SH3RF3: variants seen among roughly 807,000 people sequenced by gnomAD.
SH3RF3 encodes E3 ubiquitin-protein ligase SH3RF3.
SH3RF3 carries 29 observed loss-of-function variants against 66.3 expected under a neutral mutation model. That is an observed-to-expected ratio of 0.44 (90% confidence interval 0.33 to 0.60). SH3RF3 has a LOEUF of 0.60. SH3RF3 is among the 20% of genes least tolerant of loss of function. The pLI, the probability that SH3RF3 is intolerant of heterozygous loss-of-function variation, is 0.04. For missense variants in SH3RF3, 1,194 were observed against 1,190.9 expected, an observed-to-expected ratio of 1.00 and a Z score of -0.04; for synonymous variants, 583 against 532.0, an observed-to-expected ratio of 1.10 and a Z score of -1.32.
chr2:109,491,076 G>T (rs1436271185), intron 9 of SH3RF3, 140 bp downstream of exon 9: 2 of 773,452 alleles, frequency 2.6e-6, no homozygotes, highest in Non-Finnish European at 3.7e-6. Context: ...GATCCACATG[G>T]TCCCGAGCTT....
chr2:109,163,704 T>C (rs1353074063), intron 1 of SH3RF3, among the ~76,000 whole-genome samples: 1 of 152,136 alleles, frequency 6.6e-6, no homozygotes, highest in Non-Finnish European at 1.5e-5. Flanking sequence ...TGGCCGCAAA[T>C]ATTCTTAAGC....
chr2:109,418,855 C>T (rs1470368635), intron 4 of SH3RF3, among the ~76,000 whole-genome samples: 1 of 152,104 alleles, frequency 6.6e-6, no homozygotes, highest in East Asian at 1.9e-4. Flanking sequence ...GCAGTGCTGC[C>T]CTGCATGGGC....
chr2:109,161,494 C>T (rs1033497936), intron 1 of SH3RF3, among the ~76,000 whole-genome samples: 2 of 152,114 alleles, frequency 1.3e-5, no homozygotes, highest in African/African-American at 2.4e-5. Flanking sequence ...ACGTGCATTA[C>T]ATATCGTAAG....
chr2:109,349,684 G>A (rs915834187), intron 2 of SH3RF3, among the ~76,000 whole-genome samples: 10 of 152,222 alleles, frequency 6.6e-5, no homozygotes, highest in Non-Finnish European at 1.2e-4. Context: ...CTCCTCCAGG[G>A]GCCTCACAGG....
At chr2:109,167,121 A>G (rs1677647757) in intron 1 of SH3RF3, among the ~76,000 whole-genome samples, 1 of 152,222 alleles carries the variant, frequency 6.6e-6, no homozygotes, top group Non-Finnish European at 1.5e-5. Flanking sequence ...GAGTAGTTCT[A>G]GTAAGTGTTC....
intron 1 of SH3RF3, among the ~76,000 whole-genome samples, chr2:109,166,908 A>C (rs1352746794): frequency 1.3e-5 from 2 of 152,240 alleles, no homozygotes; most frequent in African/African-American, 4.8e-5. Context: ...AAAACATGCC[A>C]TTACTGTGTT....
At chr2:109,347,623 G>A in intron 1 of SH3RF3, 51 bp from the exon 2 acceptor site, 1 of 1,586,156 alleles carries the variant, frequency 6.3e-7, no homozygotes, top group Admixed American at 1.7e-5. Context: ...TCCACTGTGG[G>A]GCATTGGGAA....
At chr2:109,206,312 A>T (rs1678836027) in intron 1 of SH3RF3, among the ~76,000 whole-genome samples, 1 of 151,914 alleles carries the variant, frequency 6.6e-6, no homozygotes, top group Admixed American at 6.6e-5. Flanking sequence ...AACATGGTGA[A>T]ACCCTGTCTC....
intron 1 of SH3RF3, among the ~76,000 whole-genome samples, chr2:109,303,402 G>A (rs1360886093): frequency 2.0e-5 from 3 of 152,210 alleles, no homozygotes; most frequent in South Asian, 2.1e-4. Context: ...TTTCTCCTTC[G>A]CTCACACTAT....
chr2:109,152,839 A>G (rs940416995), intron 1 of SH3RF3, among the ~76,000 whole-genome samples: 1 of 152,162 alleles, frequency 6.6e-6, no homozygotes, highest in Non-Finnish European at 1.5e-5. Context: ...CTCACAGTGA[A>G]TATCACCTGT....
intron 1 of SH3RF3, among the ~76,000 whole-genome samples, chr2:109,294,284 G>T (rs182112977): frequency 6.6e-6 from 1 of 152,270 alleles, no homozygotes; most frequent in African/African-American, 2.4e-5. Flanking sequence ...TTGCTGTGCC[G>T]TGTGCGGTGG....
intron 8 of SH3RF3, among the ~76,000 whole-genome samples, chr2:109,486,183 C>T (rs1293330621): frequency 3.3e-5 from 5 of 152,222 alleles, no homozygotes; most frequent in South Asian, 2.1e-4. Flanking sequence ...AATCACTTAC[C>T]GAGTTGCATG....
chr2:109,423,205 C>T (rs559176554), intron 5 of SH3RF3, among the ~76,000 whole-genome samples: 149 of 152,162 alleles, frequency 9.8e-4, no homozygotes, highest in African/African-American at 3.3e-3. Context: ...GGGGGGTTGG[C>T]CTGCAACAGG....
intron 1 of SH3RF3, among the ~76,000 whole-genome samples, chr2:109,268,535 G>A (rs532848709): frequency 3.8e-4 from 58 of 152,254 alleles, no homozygotes; most frequent in Non-Finnish European, 7.4e-4. Context: ...CCCATTGCCC[G>A]ACCACAGGGC....
At chr2:109,244,337 G>A (rs1390628963) in intron 1 of SH3RF3, among the ~76,000 whole-genome samples, 2 of 152,112 alleles carry the variant, frequency 1.3e-5, no homozygotes, top group African/African-American at 4.8e-5. Context: ...GGTGAGAAAA[G>A]TGACACAGAG....
chr2:109,379,917 A>G (rs1447537544), intron 3 of SH3RF3, among the ~76,000 whole-genome samples: 1 of 152,320 alleles, frequency 6.6e-6, no homozygotes, highest in Non-Finnish European at 1.5e-5. Context: ...TCCAGGAGGC[A>G]AATTCTTAGA....
At chr2:109,229,531 G>A (rs565262809) in intron 1 of SH3RF3, among the ~76,000 whole-genome samples, 18 of 152,238 alleles carry the variant, frequency 1.2e-4, no homozygotes, top group Non-Finnish European at 1.0e-4. Context: ...TTGAGAGCCC[G>A]ATACGGGAGG....
At chr2:109,227,215 C>G (rs936050864) in intron 1 of SH3RF3, among the ~76,000 whole-genome samples, 3 of 152,126 alleles carry the variant, frequency 2.0e-5, no homozygotes, top group Non-Finnish European at 2.9e-5. Flanking sequence ...GAGGATCCCA[C>G]CCAGGCCTCA....
chr2:109,134,469 C>G (rs771629842), intron 1 of SH3RF3, among the ~76,000 whole-genome samples: 1 of 152,104 alleles, frequency 6.6e-6, no homozygotes, highest in Non-Finnish European at 1.5e-5. Flanking sequence ...TTGCAGCCAG[C>G]GAGTGAATAA....
Sources: allele counts gnomAD v4.1 joint callset (sites outside exome capture counted in the v4.1 genomes callset), GRCh38; gene constraint gnomAD v4.1.1; transcripts MANE v1.5; gene names NCBI Gene and HGNC (gene_info 2026-07-23, HGNC 2026-07-21).